Variants in ZFHX3 observed in about 807,000 individuals in gnomAD.
ZFHX3 encodes zinc finger homeobox 3, also known as zinc finger homeobox protein 3.
In ZFHX3, 42 loss-of-function variants were observed where a neutral mutation model predicts 279.1. The observed-to-expected ratio is 0.15, with a 90% CI of 0.12 to 0.19. The LOEUF (loss-of-function observed/expected upper bound fraction) is 0.19, where lower values mean the gene tolerates loss of function less well. Ranked by LOEUF, ZFHX3 falls within the 10% of genes least tolerant of loss-of-function variation. ZFHX3 has a pLI of 1.00. For synonymous variants in ZFHX3, 2,293 were observed against 1,957.8 expected (o/e 1.17, Z -4.52); for missense variants, 4,981 against 4,754.0 (o/e 1.05, Z -1.40).
chr16:73,622,790 C>G (rs1222503751), intron 2 of ZFHX3, among the ~76,000 whole-genome samples: 1 of 152,158 alleles, frequency 6.6e-6, no homozygotes, highest in Non-Finnish European at 1.5e-5. Flanking sequence ...ACCCTGAAGT[C>G]TATGGCTCAT....
intron 1 of ZFHX3, among the ~76,000 whole-genome samples, chr16:73,002,547 C>T (rs1373250912): frequency 6.6e-6 from 1 of 152,132 alleles, no homozygotes. Context: ...ACACACATTT[C>T]CATCAAGACA....
intron 2 of ZFHX3, among the ~76,000 whole-genome samples, chr16:73,635,030 TGTCGA>T (rs758360249): frequency 6.6e-6 from 1 of 152,184 alleles, no homozygotes; most frequent in Non-Finnish European, 1.5e-5. Context: ...TGTTACAATG[TGTCGA>T]GTCATTTATC....
chr16:73,221,602 A>C (rs1247827020), intron 5 of ZFHX3, among the ~76,000 whole-genome samples: 1 of 152,106 alleles, frequency 6.6e-6, no homozygotes, highest in Non-Finnish European at 1.5e-5. Context: ...CCCAAAAACT[A>C]TCGAAAAAAA....
intron 2 of ZFHX3, among the ~76,000 whole-genome samples, chr16:73,574,604 G>A (rs982931058): frequency 3.9e-5 from 6 of 152,134 alleles, no homozygotes; most frequent in African/African-American, 9.7e-5. Flanking sequence ...TTTCTACAGC[G>A]GCAGTGACAA....
intron 4 of ZFHX3, among the ~76,000 whole-genome samples, chr16:72,840,186 G>T (rs557494162): frequency 6.6e-6 from 1 of 152,078 alleles, no homozygotes; most frequent in East Asian, 1.9e-4. Context: ...GAAATATATG[G>T]ATGAAAAAAA....
At chr16:73,722,116 C>T (rs2053478925) in intron 1 of ZFHX3, among the ~76,000 whole-genome samples, 1 of 152,174 alleles carries the variant, frequency 6.6e-6, no homozygotes, top group African/African-American at 2.4e-5. Context: ...TAAGCACTTC[C>T]TATATGCTTA....
At chr16:73,737,682 G>GA (rs111421291) in intron 1 of ZFHX3, among the ~76,000 whole-genome samples, 2,334 of 143,150 alleles carry the variant, frequency 0.016, 61 homozygotes, top group African/African-American at 0.055. Context: ...CGGGAAAAAG[G>GA]AAAAAAAAAA....
intron 4 of ZFHX3, among the ~76,000 whole-genome samples, chr16:72,831,914 G>T (rs918157196): frequency 3.3e-5 from 5 of 152,082 alleles, no homozygotes; most frequent in African/African-American, 4.8e-5. Context: ...ACTGCCCAAG[G>T]TCATCGCCAA....
At chr16:73,075,495 T>C (rs2144760193) in intron 8 of ZFHX3, among the ~76,000 whole-genome samples, 1 of 152,290 alleles carries the variant, frequency 6.6e-6, no homozygotes, top group Non-Finnish European at 1.5e-5. Flanking sequence ...TGAGGCAGTG[T>C]TGGCAGCTCA....
chr16:73,264,512 G>C (rs920845077), intron 4 of ZFHX3, among the ~76,000 whole-genome samples: 11 of 152,012 alleles, frequency 7.2e-5, no homozygotes, highest in Non-Finnish European at 7.4e-5. Context: ...AGAATCTTAG[G>C]AAGTTCTGCT....
intron 1 of ZFHX3, among the ~76,000 whole-genome samples, chr16:73,036,365 A>G (rs1349736451): frequency 6.6e-6 from 1 of 152,106 alleles, no homozygotes; most frequent in Non-Finnish European, 1.5e-5. Context: ...AATTACAGCC[A>G]TTTGCATTCC....
At chr16:73,666,514 C>T (rs923880466) in intron 2 of ZFHX3, among the ~76,000 whole-genome samples, 25 of 151,998 alleles carry the variant, frequency 1.6e-4, no homozygotes, top group African/African-American at 5.6e-4. Flanking sequence ...ACAGAAAATG[C>T]TCCCATATGA....
At chr16:73,546,823 G>A (rs2020122433) in intron 2 of ZFHX3, among the ~76,000 whole-genome samples, 1 of 151,792 alleles carries the variant, frequency 6.6e-6, no homozygotes, top group South Asian at 2.1e-4. Context: ...ACAGTTGGGG[G>A]GTGAGGGGGG....
intron 1 of ZFHX3, among the ~76,000 whole-genome samples, chr16:73,692,051 C>G (rs2053154394): frequency 6.6e-6 from 1 of 152,200 alleles, no homozygotes; most frequent in Non-Finnish European, 1.5e-5. Flanking sequence ...TTTCCTGTTG[C>G]AGATCAATGT....
chr16:72,950,471 T>G lies in ZFHX3; in HGVS notation c.3214A>C (p.Lys1072Gln). 1 of 1,613,148 alleles carries G rather than the reference T, an allele frequency of 6.2e-7. No individual in the cohort carries two copies. The highest frequency in any genetic ancestry group is 2.2e-5 in the East Asian group (1 of 44,856). Residue 1072 changes from lysine to glutamine, a missense_variant and splice_region_variant, in exon 3 of 10, where the codon AAG becomes CAG. By Grantham distance (53) the Lys-to-Gln change is moderately conservative. Transcript: ENST00000268489. ...AGCCATAAGGAGCTGGGCCTTACCT[T>G]GTACAACTTCAGGCTGGCCTCGTGC... The part of the protein sequence containing the change: ...SRHEASLKLY[K>Q]HLQQHESGVE...
intron 8 of ZFHX3, chr16:73,093,057 C>G: frequency 1.9e-6 from 1 of 520,064 alleles, no homozygotes; most frequent in South Asian, 1.4e-5. Context: ...CTAACATATC[C>G]TTTTGCTATT....
chr16:73,420,891 A>G (rs2017705332), intron 3 of ZFHX3: 1 of 152,224 alleles, frequency 6.6e-6, no homozygotes, highest in Non-Finnish European at 1.5e-5. Context: ...AATGCCAGCA[A>G]CTGTTATCTT....
At chr16:73,801,234 C>T (rs540019087) in intron 1 of ZFHX3, among the ~76,000 whole-genome samples, 1 of 152,282 alleles carries the variant, frequency 6.6e-6, no homozygotes, top group Non-Finnish European at 1.5e-5. Context: ...ACCTTAGTTA[C>T]TGACTCAGGC....
intron 1 of ZFHX3, among the ~76,000 whole-genome samples, chr16:73,728,332 T>C (rs1411527074): frequency 1.3e-5 from 2 of 152,160 alleles, no homozygotes; most frequent in Non-Finnish European, 2.9e-5. Flanking sequence ...CTCAGACTTC[T>C]AGCCTCCAGA....
Sources: allele counts gnomAD v4.1 joint callset (sites outside exome capture counted in the v4.1 genomes callset), GRCh38; gene constraint gnomAD v4.1.1; transcripts MANE v1.5; gene names NCBI Gene and HGNC (gene_info 2026-07-23, HGNC 2026-07-21).